The following PTPRR variants were observed in gnomAD, a reference collection of about 807,000 sequenced individuals.
The protein encoded by PTPRR is receptor-type tyrosine-protein phosphatase R.
PTPRR carries 38 observed loss-of-function variants against 77.2 expected under a neutral mutation model. The observed-to-expected ratio is 0.49, with a 90% CI of 0.38 to 0.65. The LOEUF is 0.65. PTPRR is among the 30% of genes least tolerant of loss of function. The pLI, the probability that PTPRR is intolerant of heterozygous loss-of-function variation, is 0.00. For missense variants in PTPRR, 744 were observed against 799.2 expected (o/e 0.93, Z 0.83); for synonymous variants, 299 against 283.1 (o/e 1.06, Z -0.57).
At chr12:70,777,822 C>T (rs982492444) in intron 2 of PTPRR, among the ~76,000 whole-genome samples, 1 of 152,196 alleles carries the variant, frequency 6.6e-6, no homozygotes, top group Admixed American at 6.5e-5. Context: ...CACTCAGAAA[C>T]CCACATTAAA....
intron 2 of PTPRR, among the ~76,000 whole-genome samples, chr12:70,784,371 G>A (rs562720646): frequency 6.6e-6 from 1 of 152,230 alleles, no homozygotes; most frequent in Non-Finnish European, 1.5e-5. Flanking sequence ...AGCCTGGGGT[G>A]GGGGCTCCAG....
At chr12:70,890,910 C>T (rs1354347072) in intron 2 of PTPRR, among the ~76,000 whole-genome samples, 1 of 152,040 alleles carries the variant, frequency 6.6e-6, no homozygotes, top group Admixed American at 6.6e-5. Flanking sequence ...ATTGCATCAC[C>T]CCTTTGCTTT....
chr12:70,752,218 C>A (rs191527241), intron 5 of PTPRR, among the ~76,000 whole-genome samples: 2 of 152,156 alleles, frequency 1.3e-5, no homozygotes, highest in East Asian at 3.8e-4. Flanking sequence ...AACAAATAGA[C>A]CCGCAGAGAA....
intron 2 of PTPRR, among the ~76,000 whole-genome samples, chr12:70,793,991 A>G (rs1464229820): frequency 6.6e-6 from 1 of 152,178 alleles, no homozygotes; most frequent in Non-Finnish European, 1.5e-5. Flanking sequence ...TCCATTTTCC[A>G]TGAACTTTTT....
intron 2 of PTPRR, among the ~76,000 whole-genome samples, chr12:70,856,029 T>C (rs1892645787): frequency 1.3e-5 from 2 of 152,266 alleles, no homozygotes; most frequent in African/African-American, 2.4e-5. Flanking sequence ...TTTTTCCTCC[T>C]ATATCTCTTC....
Position 70,905,666 on chromosome 12 carries a change from T to C in PTPRR, c.59-12689A>G, listed in dbSNP as rs550835538. ...AATTACAATGTTTAGTTAGAGTACA[T>C]TATGATTCATTATTTCAAATTCAGT... is the stretch of plus-strand genomic sequence containing the variant. On this transcript the variant is annotated intron_variant, in intron 1 of 13. Coordinates refer to ENST00000283228, the MANE Select transcript of PTPRR (RefSeq NM_002849.4). 5.3e-5 allele frequency among the ~76,000 whole-genome samples: 8 copies of C among 152,052 alleles called. No homozygotes were observed. The South Asian group carries it at 1.7e-3, about 32-fold the overall frequency.
chr12:70,870,091 T>A (rs1892934395), intron 2 of PTPRR, among the ~76,000 whole-genome samples: 1 of 152,164 alleles, frequency 6.6e-6, no homozygotes, highest in South Asian at 2.1e-4. Flanking sequence ...TGAAGGAAAC[T>A]ACTGTCTATT....
intron 2 of PTPRR, among the ~76,000 whole-genome samples, chr12:70,791,720 A>C (rs1891424955): frequency 6.6e-6 from 1 of 152,236 alleles, no homozygotes; most frequent in South Asian, 2.1e-4. Context: ...GTATATGGTA[A>C]TTACAACTAC....
At chr12:70,772,413 A>T (rs988343) in intron 2 of PTPRR, among the ~76,000 whole-genome samples, 55,711 of 152,096 alleles carry the variant, frequency 0.37, 12,257 homozygotes, top group African/African-American at 0.61. Flanking sequence ...TATAGTCTCA[A>T]AAGGAAATAC....
At position 70,745,778 on chromosome 12, in the gene PTPRR, AT is replaced by A. The variant is rs2136927152; in HGVS notation, c.1007+39del. ...TTTTTAGTTGATGAATACTCTTTTT[AT>A]AAAAAGCCACACGTAGGGTATACAG... On this transcript the variant is annotated intron_variant, in intron 6 of 13. Coordinates refer to ENST00000283228, the MANE Select transcript of PTPRR (RefSeq NM_002849.4). 1.9e-6 allele frequency: 3 copies of A among 1,573,304 alleles called. No homozygotes were observed. The East Asian group carries it at 6.7e-5, about 35-fold the overall frequency.
chr12:70,662,193 C>T (rs1886822860), intron 11 of PTPRR, among the ~76,000 whole-genome samples: 1 of 152,148 alleles, frequency 6.6e-6, no homozygotes, highest in Non-Finnish European at 1.5e-5. Context: ...GTCTCCAGCA[C>T]AGCCTTTAGT....
intron 2 of PTPRR, among the ~76,000 whole-genome samples, chr12:70,860,087 A>T (rs1316111538): frequency 6.6e-6 from 1 of 152,022 alleles, no homozygotes; most frequent in Non-Finnish European, 1.5e-5. Context: ...CTTTCACAAA[A>T]TCCACACTGG....
intron 10 of PTPRR, chr12:70,673,043 A>G: frequency 9.4e-7 from 1 of 1,059,114 alleles, no homozygotes; most frequent in Non-Finnish European, 1.2e-6. Context: ...AAAAAAAAAA[A>G]AAAAAAGAAA....
chr12:70,792,733 T>C (rs561627645), intron 2 of PTPRR, among the ~76,000 whole-genome samples: 1 of 152,204 alleles, frequency 6.6e-6, no homozygotes, highest in East Asian at 1.9e-4. Context: ...ATGCATATTA[T>C]GAAAAAAGAT....
At position 70,688,830 on chromosome 12, in the gene PTPRR, T is replaced by C. The variant is rs544138801; in HGVS notation, c.1280-4047A>G. Reference sequence around the variant, plus strand: ...GAATGGATTTTAAAAGTATGGTCTATATACATAATGGAGTTCTATCTGGCC... The same window carrying C: ...GAATGGATTTTAAAAGTATGGTCTACATACATAATGGAGTTCTATCTGGCC... On this transcript the variant is annotated intron_variant, in intron 8 of 13. Transcript: ENST00000283228. Among the ~76,000 whole-genome samples the C allele has an allele frequency of 7.9e-5, 12 of 152,334 alleles. No individual in the cohort carries two copies. The East Asian group carries it at 2.1e-3, about 27-fold the overall frequency.
rs138028703 is a variant in PTPRR at position 70,836,210 on chromosome 12, A to G, written c.357+56469T>C. ...TAGAATCCAGGCACCCTTGAATGGC[A>G]TGTATGAGTTGGTCCCTGCCTACCA... is the stretch of plus-strand genomic sequence containing the variant. On this transcript the variant is annotated intron_variant, in intron 2 of 13. Coordinates refer to ENST00000283228, the MANE Select transcript of PTPRR (RefSeq NM_002849.4). Among the ~76,000 whole-genome samples the G allele has an allele frequency of 2.6e-4, 39 of 152,102 alleles. No homozygotes were observed. In the East Asian group the frequency reaches 7.2e-3, roughly 28 times the overall value.
rs529326619 is a variant in PTPRR at position 70,878,229 on chromosome 12, C to T, written c.357+14450G>A. On this transcript the variant is annotated intron_variant, in intron 2 of 13. Coordinates refer to ENST00000283228, the MANE Select transcript of PTPRR (RefSeq NM_002849.4). ...ACTAAAACACCAAAAGCAATGGCAA[C>T]AAAAGCCAAAATTGACAAATGGGAT... 9.2e-5 allele frequency among the ~76,000 whole-genome samples: 14 copies of T among 152,260 alleles called. No individual in the cohort carries two copies. The East Asian group carries it at 2.3e-3, about 25-fold the overall frequency.
At chr12:70,899,838 G>T (rs1318522577) in intron 1 of PTPRR, among the ~76,000 whole-genome samples, 1 of 151,254 alleles carries the variant, frequency 6.6e-6, no homozygotes. Flanking sequence ...AGTTTAGCAA[G>T]GTCACAATAT....
At chr12:70,652,700 C>A (rs1013291473) in intron 13 of PTPRR, among the ~76,000 whole-genome samples, 1 of 152,026 alleles carries the variant, frequency 6.6e-6, no homozygotes, top group Non-Finnish European at 1.5e-5. Flanking sequence ...TTGGTGGTGA[C>A]GGAAGGCCAA....
Sources: gnomAD v4.1 joint callset for allele counts (sites outside exome capture counted in the v4.1 genomes callset) on GRCh38, gnomAD v4.1.1 for gene constraint, MANE v1.5 for transcripts, NCBI Gene and HGNC (gene_info 2026-07-23, HGNC 2026-07-21) for gene names.